The following RAB2B variants were observed in gnomAD, a reference collection of about 807,000 sequenced individuals.
The protein encoded by RAB2B is ras-related protein Rab-2B.
Under a neutral mutation model 29.8 loss-of-function variants are expected in RAB2B, and 20 were observed. The ratio of observed to expected loss-of-function variants is 0.67; its 90% confidence interval spans 0.47 to 0.97. RAB2B has a LOEUF of 0.97. Ranked by LOEUF, RAB2B falls within the 50% of genes least tolerant of loss-of-function variation. RAB2B has a pLI of 0.00. For synonymous variants in RAB2B, 93 were observed against 91.7 expected, an observed-to-expected ratio of 1.01 and a Z score of -0.08; for missense variants, 218 against 272.0, an observed-to-expected ratio of 0.80 and a Z score of 1.40.
intron 3 of RAB2B, 73 bp from the exon 4 acceptor site, chr14:21,468,825 G>A (rs921378438): frequency 2.2e-6 from 2 of 922,646 alleles, no homozygotes; most frequent in Non-Finnish European, 3.1e-6. Context: ...TTGATCACAT[G>A]CCACCCTAAT....
rs754166518 is a variant in RAB2B, at chr14:21,463,708, T to C, written c.422A>G (p.His141Arg). ...REEGEAFARE[H>R]GLIFMETSAK... Reference sequence around the variant, plus strand: ...TGAAGTTTCCATGAATATAAGTCCATGCTCCCTAGCAAAGGCCTCTCCTTC... The same window carrying C: ...TGAAGTTTCCATGAATATAAGTCCACGCTCCCTAGCAAAGGCCTCTCCTTC... The change falls in exon 6 of 8, where the codon CAT (histidine) becomes CGT (arginine). Residue 141 changes from histidine to arginine, a missense_variant. Physicochemically the swap from His to Arg is conservative, Grantham distance 29. Coordinates refer to ENST00000397762, the MANE Select transcript of RAB2B (RefSeq NM_032846.4). The C allele has an allele frequency of 3.7e-6, 6 of 1,614,110 alleles. No individual in the cohort carries two copies. In the East Asian group the frequency reaches 1.3e-4, roughly 36 times the overall value.
At chr14:21,465,628 A>C (rs1890668629) in intron 5 of RAB2B, among the ~76,000 whole-genome samples, 1 of 152,128 alleles carries the variant, frequency 6.6e-6, no homozygotes, top group South Asian at 2.1e-4. Flanking sequence ...TGATCAAGCC[A>C]CTTCTCTACT....
intron 2 of RAB2B, chr14:21,476,155 G>A (rs182132195): frequency 5.6e-6 from 1 of 179,334 alleles, no homozygotes; most frequent in Admixed American, 5.9e-5. Context: ...TATAAAAAAT[G>A]TCCATGTATT....
chr14:21,463,881 T>C (rs1309304265), intron 5 of RAB2B, 114 bp from the exon 6 acceptor site: 1 of 664,026 alleles, frequency 1.5e-6, no homozygotes. Flanking sequence ...TCATAAAGAA[T>C]GTAGATCCTA....
In RAB2B at chr14:21,462,409, T is replaced by A; in HGVS notation, c.484A>T (p.Asn162Tyr). 6.2e-7 allele frequency: 1 copy of A among 1,613,272 alleles called. No homozygotes were observed. The highest frequency in any genetic ancestry group is 1.3e-5 in the African/African-American group (1 of 74,950). ...TTCCTATATATTTCTTTGGCTGTGT[T>A]AATGAAGGCCTGAAAGAGACATAAA... Reference protein sequence around the residue: ...TACNVEEAFINTAKEIYRKIQ... With the variant: ...TACNVEEAFIYTAKEIYRKIQ... Residue 162 changes from asparagine to tyrosine, a missense_variant, in exon 7 of 8, where the codon AAC (asparagine) becomes TAC (tyrosine). By Grantham distance (143) the Asn-to-Tyr change is moderately radical. Transcript: ENST00000397762.
chr14:21,468,559 G>C, intron 4 of RAB2B, 110 bp from the exon 5 acceptor site: 1 of 1,272,978 alleles, frequency 7.9e-7, no homozygotes, highest in East Asian at 2.3e-5. Flanking sequence ...AAAAATATTA[G>C]AGAGGCCATT....
Position 21,468,664 on chromosome 14 carries a change from G to A in RAB2B, c.269+6C>T. The A allele has an allele frequency of 1.3e-6, 2 of 1,550,840 alleles. No individual in the cohort carries two copies. The highest frequency in any genetic ancestry group is 2.1e-5 in the Admixed American group (1 of 46,672). On this transcript the variant is annotated splice_donor_region_variant and intron_variant, in intron 4 of 7. Transcript: ENST00000397762. Reference sequence around the variant, plus strand: ...ATCTCCCTCCCATGCACCAGATCTGGCTCACCTTGTAATGTCGTACACCAG... The same window carrying A: ...ATCTCCCTCCCATGCACCAGATCTGACTCACCTTGTAATGTCGTACACCAG...
intron 2 of RAB2B, among the ~76,000 whole-genome samples, chr14:21,475,287 A>G (rs1890919960): frequency 6.6e-6 from 1 of 152,184 alleles, no homozygotes; most frequent in Admixed American, 6.5e-5. Flanking sequence ...TAACTTTTCC[A>G]AAAAACTAAA....
chr14:21,468,693 T>C lies in RAB2B; in HGVS notation c.246A>G (p.Ala82=), dbSNP rs749467174. Residue 82 remains alanine (A), a synonymous_variant, in exon 4 of 8, where the codon GCA becomes GCG. Transcript: ENST00000397762. ...TRSYYRGAAG[A]LLVYDITRRE... ...ACCTTGTAATGTCGTACACCAGCAGTGCTCCAGCTGCTCCCCTGTAGTAGG... is the reference window on the plus strand; with the variant it reads ...ACCTTGTAATGTCGTACACCAGCAGCGCTCCAGCTGCTCCCCTGTAGTAGG... The C allele has an allele frequency of 6.3e-7, 1 of 1,578,854 alleles. No individual in the cohort carries two copies. The highest frequency in any genetic ancestry group is 1.4e-5 in the African/African-American group (1 of 72,876).
At chr14:21,466,965 G>A (rs987287663) in intron 5 of RAB2B, among the ~76,000 whole-genome samples, 17 of 151,960 alleles carry the variant, frequency 1.1e-4, no homozygotes, top group Non-Finnish European at 2.1e-4. Flanking sequence ...GGAGTGCAGT[G>A]GCACTATCTC....
chr14:21,472,912 C>A (rs1412565738), intron 3 of RAB2B, among the ~76,000 whole-genome samples: 3 of 151,884 alleles, frequency 2.0e-5, no homozygotes, highest in African/African-American at 7.3e-5. Flanking sequence ...TTCATCTGGG[C>A]CAGGTGCCAA....
intron 3 of RAB2B, 130 bp downstream of exon 3, chr14:21,474,737 C>G: frequency 1.4e-6 from 1 of 697,498 alleles, no homozygotes; most frequent in East Asian, 2.7e-5. Flanking sequence ...AAAAACTTCT[C>G]TCTTTGATTT....
intron 5 of RAB2B, 72 bp downstream of exon 5, chr14:21,468,285 G>T: frequency 1.6e-6 from 2 of 1,215,898 alleles, no homozygotes; most frequent in Non-Finnish European, 2.4e-6. Flanking sequence ...AACTGAGAAA[G>T]TTTGGGGATC....
chr14:21,468,529 G>A (rs2139600039), intron 4 of RAB2B, 80 bp from the exon 5 acceptor site: 1 of 1,389,268 alleles, frequency 7.2e-7, no homozygotes, highest in Non-Finnish European at 1.0e-6. Flanking sequence ...ACGAAAAGAG[G>A]GGAAGCCATA....
intron 3 of RAB2B, among the ~76,000 whole-genome samples, chr14:21,470,951 C>T (rs1041734797): frequency 1.4e-4 from 20 of 138,286 alleles, no homozygotes; most frequent in Non-Finnish European, 2.0e-4. Context: ...AGTTTGAGAC[C>T]AGCCTGACCA....
chr14:21,476,431 C>G (rs1368076617), intron 2 of RAB2B, 97 bp downstream of exon 2: 3 of 1,452,672 alleles, frequency 2.1e-6, no homozygotes, highest in Non-Finnish European at 2.9e-6. Flanking sequence ...TGAGGGGTAA[C>G]TTTTTACTTC....
At position 21,459,447 on chromosome 14, in the gene RAB2B, A is replaced by C. The variant is rs1011520041; in HGVS notation, c.*1749T>G. On this transcript the variant is annotated 3_prime_UTR_variant, in exon 8 of 8. Coordinates refer to ENST00000397762, the MANE Select transcript of RAB2B (RefSeq NM_032846.4). ...TAAAATAAACCTTAAGTTTTTAACT[A>C]TGTCAGTCAAATTCAATGAACACAT... 18 of 152,194 alleles carry C rather than the reference A, an allele frequency of 1.2e-4. No individual in the cohort carries two copies. Among genetic ancestry groups the C allele is most frequent in the African/African-American group, 3.6e-4 (15 of 41,444 alleles). 9.4% of individuals were successfully genotyped at this position (152,194 alleles called of 1,614,324 possible). A position where few individuals can be genotyped will look rare whatever the true frequency, so the allele number is the denominator to read the frequency against.
chr14:21,476,093 T>C (rs1191341672), intron 2 of RAB2B, among the ~76,000 whole-genome samples: 1 of 152,250 alleles, frequency 6.6e-6, no homozygotes, highest in East Asian at 1.9e-4. Context: ...TTAGTTTTAT[T>C]TGCCTATTAA....
At chr14:21,470,993 C>CAAAAAAAAAAAAAAAAAAAAAAA (rs869211285) in intron 3 of RAB2B, among the ~76,000 whole-genome samples, 1 of 98,766 alleles carries the variant, frequency 1.0e-5, no homozygotes, top group African/African-American at 4.3e-5. Context: ...GCTAAAAATA[C>CAAAAAAAAAAAAAAAAAAAAAAA]AAAAAAAAAA....
Sources: allele counts gnomAD v4.1 joint callset (sites outside exome capture counted in the v4.1 genomes callset), GRCh38; gene constraint gnomAD v4.1.1; transcripts MANE v1.5; gene names NCBI Gene and HGNC (gene_info 2026-07-23, HGNC 2026-07-21).